The following PRKD1 variants were observed in gnomAD, a reference collection of about 807,000 sequenced individuals.
PRKD1 encodes the protein serine/threonine-protein kinase D1.
In PRKD1, 63 loss-of-function variants were observed where a neutral mutation model predicts 95.9. The ratio of observed to expected loss-of-function variants is 0.66; its 90% confidence interval spans 0.54 to 0.81. PRKD1 has a LOEUF of 0.81. Ranked by LOEUF, PRKD1 falls within the 30% of genes least tolerant of loss-of-function variation. The pLI, the probability that PRKD1 is intolerant of heterozygous loss-of-function variation, is 0.00. For missense variants in PRKD1, 1,048 were observed against 1,165.3 expected (o/e 0.90, Z 1.47); for synonymous variants, 425 against 423.1 (o/e 1.00, Z -0.05).
chr14:29,660,610 G>A (rs374711407), intron 4 of PRKD1, among the ~76,000 whole-genome samples: 2 of 152,202 alleles, frequency 1.3e-5, no homozygotes. Context: ...AGGAACAGAC[G>A]TTCTACAACA....
intron 1 of PRKD1, among the ~76,000 whole-genome samples, chr14:29,844,308 T>G (rs972328909): frequency 6.6e-6 from 1 of 152,190 alleles, no homozygotes; most frequent in Non-Finnish European, 1.5e-5. Context: ...GCACGTGTTG[T>G]GTATAAATAG....
At chr14:29,886,990 G>C (rs923718768) in intron 1 of PRKD1, among the ~76,000 whole-genome samples, 1 of 152,162 alleles carries the variant, frequency 6.6e-6, no homozygotes, top group African/African-American at 2.4e-5. Flanking sequence ...CTCTGGAAAG[G>C]AACTTGTGCA....
Position 29,785,107 on chromosome 14 carries a change from G to T in PRKD1, c.265-59433C>A, listed in dbSNP as rs1237967886. Among the ~76,000 whole-genome samples, 10 of 152,226 alleles carry T rather than the reference G, an allele frequency of 6.6e-5. No homozygotes were observed. In the East Asian group the frequency reaches 1.9e-3, roughly 29 times the overall value. On this transcript the variant is annotated intron_variant, in intron 1 of 17. Coordinates refer to ENST00000331968, the MANE Select transcript of PRKD1 (RefSeq NM_002742.3). The stretch of plus-strand genomic sequence containing the variant: ...TGCACTCAACTTCCCTCACAAATAT[G>T]TACAGCTGCCCCTCCAAACCTGCTG...
rs1566623033 is a variant in PRKD1, at chr14:29,826,818, TATATATATATATATATATATACACAC to T, written c.264+100405_264+100430del. Among the ~76,000 whole-genome samples the T allele has an allele frequency of 7.8e-4, 19 of 24,346 alleles. 2 individuals carry two copies. The highest frequency in any genetic ancestry group is 3.2e-3 in the African/African-American group (18 of 5,702). 16.0% of individuals were successfully genotyped at this position (24,346 alleles called of 152,430 possible). A position where few individuals can be genotyped will look rare whatever the true frequency, so the allele number is the denominator to read the frequency against. ...ATATATATACACATATATATACACATATATATATATATATATATATACACACATATATATATATATATATATATATA... is the reference window on the plus strand; with the variant it reads ...ATATATATACACATATATATACACATATATATATATATATATATATATATA... On this transcript the variant is annotated intron_variant, in intron 1 of 17. Transcript: ENST00000331968.
intron 10 of PRKD1, chr14:29,630,507 G>C (rs1879928642): frequency 1.9e-6 from 1 of 535,320 alleles, no homozygotes; most frequent in South Asian, 2.4e-5. Context: ...GTGTTTACCT[G>C]AATTTGTTAA....
In PRKD1 at chr14:29,713,878, C is replaced by T. The variant is rs562131173; in HGVS notation, c.403+11658G>A. ...TGGTATTCAAACACTAAATAATTTT[C>T]CTAATGCCACACAGCTAGTAAACGT... On this transcript the variant is annotated intron_variant, in intron 2 of 17. Coordinates refer to ENST00000331968, the MANE Select transcript of PRKD1 (RefSeq NM_002742.3). 1.5e-3 allele frequency among the ~76,000 whole-genome samples: 224 copies of T among 152,210 alleles called. 1 individual carries two copies. The highest frequency in any genetic ancestry group is 4.8e-3 in the African/African-American group (200 of 41,542).
intron 16 of PRKD1, among the ~76,000 whole-genome samples, chr14:29,582,323 A>G (rs550415169): frequency 6.6e-6 from 1 of 151,828 alleles, no homozygotes. Flanking sequence ...CCTTTTAGAA[A>G]TTCTACTTGT....
At chr14:29,758,614 A>G (rs979049989) in intron 1 of PRKD1, among the ~76,000 whole-genome samples, 14 of 152,228 alleles carry the variant, frequency 9.2e-5, no homozygotes, top group South Asian at 2.1e-4. Flanking sequence ...CAAAAGGTCA[A>G]TTCTTCAATT....
intron 2 of PRKD1, among the ~76,000 whole-genome samples, chr14:29,685,259 T>G (rs1883791975): frequency 6.6e-6 from 1 of 152,224 alleles, no homozygotes; most frequent in Admixed American, 6.5e-5. Flanking sequence ...GTCTTTCCCC[T>G]GCATTGAGTG....
chr14:29,643,588 G>C (rs927385684), intron 4 of PRKD1, among the ~76,000 whole-genome samples: 1 of 152,176 alleles, frequency 6.6e-6, no homozygotes, highest in East Asian at 1.9e-4. Flanking sequence ...CCCAGGAAAT[G>C]ATTGCTTAGA....
chr14:29,821,958 A>G (rs1190292001), intron 1 of PRKD1, among the ~76,000 whole-genome samples: 2 of 152,108 alleles, frequency 1.3e-5, no homozygotes, highest in East Asian at 3.9e-4. Flanking sequence ...CACAGAGACC[A>G]CCAGTCTAGT....
chr14:29,605,887 T>C (rs1893686413), intron 13 of PRKD1, among the ~76,000 whole-genome samples: 1 of 152,226 alleles, frequency 6.6e-6, no homozygotes, highest in East Asian at 1.9e-4. Flanking sequence ...AAGTACGATA[T>C]ATAGTGATAG....
At position 29,878,524 on chromosome 14, in the gene PRKD1, A is replaced by G. The variant is rs552401712; in HGVS notation, c.264+48725T>C. Among the ~76,000 whole-genome samples, 9 of 152,338 alleles carry G rather than the reference A, an allele frequency of 5.9e-5. No individual in the cohort carries two copies. In the South Asian group the frequency reaches 1.9e-3, roughly 32 times the overall value. ...AAACAACCAAAATGTTCACAGATGAACATATAAACCAACTGCAGTATATAC... is the reference window on the plus strand; with the variant it reads ...AAACAACCAAAATGTTCACAGATGAGCATATAAACCAACTGCAGTATATAC... On this transcript the variant is annotated intron_variant, in intron 1 of 17. Transcript: ENST00000331968.
At chr14:29,621,739 C>G (rs1195132384) in intron 13 of PRKD1, among the ~76,000 whole-genome samples, 2 of 152,182 alleles carry the variant, frequency 1.3e-5, no homozygotes, top group South Asian at 2.1e-4. Context: ...TGTGCTGTAT[C>G]TACTGAACCT....
intron 1 of PRKD1, among the ~76,000 whole-genome samples, chr14:29,791,087 C>T (rs1018167764): frequency 8.5e-5 from 13 of 152,116 alleles, no homozygotes; most frequent in Admixed American, 6.6e-5. Flanking sequence ...AATACATACA[C>T]AAAATAAATA....
At chr14:29,828,427 T>C (rs1003242236) in intron 1 of PRKD1, among the ~76,000 whole-genome samples, 2 of 151,912 alleles carry the variant, frequency 1.3e-5, no homozygotes, top group African/African-American at 4.8e-5. Context: ...CACAAGGGAT[T>C]CCCCACCATG....
intron 1 of PRKD1, among the ~76,000 whole-genome samples, chr14:29,917,643 G>A (rs1267090728): frequency 1.3e-5 from 2 of 152,134 alleles, no homozygotes; most frequent in African/African-American, 4.8e-5. Context: ...AAAGAAAAGA[G>A]ATACAGCTCT....
At chr14:29,672,812 C>T (rs763613255) in intron 2 of PRKD1, among the ~76,000 whole-genome samples, 17 of 151,944 alleles carry the variant, frequency 1.1e-4, no homozygotes, top group Non-Finnish European at 2.4e-4. Context: ...GTTTTAGATT[C>T]CAGACAAGCA....
intron 1 of PRKD1, among the ~76,000 whole-genome samples, chr14:29,843,608 G>A (rs953058817): frequency 1.3e-5 from 2 of 152,156 alleles, no homozygotes; most frequent in African/African-American, 4.8e-5. Flanking sequence ...CATCTTAAAT[G>A]AACACATTTA....
Sources: gnomAD v4.1 joint callset for allele counts (sites outside exome capture counted in the v4.1 genomes callset) on GRCh38, gnomAD v4.1.1 for gene constraint, MANE v1.5 for transcripts, NCBI Gene and HGNC (gene_info 2026-07-23, HGNC 2026-07-21) for gene names.